SEM1: variants seen among roughly 807,000 people sequenced by gnomAD.
SEM1 encodes 26S proteasome complex subunit SEM1.
Under a neutral mutation model 12.7 loss-of-function variants are expected in SEM1, and 3 were observed. The ratio of observed to expected loss-of-function variants is 0.24; its 90% CI spans 0.11 to 0.61. The LOEUF is 0.61. Among genes scored for constraint, SEM1 ranks in the 20% least tolerant of loss-of-function variants. The pLI, the probability that SEM1 is intolerant of heterozygous loss-of-function variation, is 0.88. For synonymous variants in SEM1, 30 were observed against 27.8 expected, an observed-to-expected ratio of 1.08 and a Z score of -0.25; for missense variants, 59 against 81.3, an observed-to-expected ratio of 0.73 and a Z score of 1.06.
intron 2 of SEM1, among the ~76,000 whole-genome samples, chr7:96,538,227 A>G (rs1385931734): frequency 6.6e-6 from 1 of 151,804 alleles, no homozygotes. Flanking sequence ...AGAGTCTTTA[A>G]CATATTAAGC....
At chr7:96,541,619 A>C (rs529949453) in intron 2 of SEM1, among the ~76,000 whole-genome samples, 9 of 151,368 alleles carry the variant, frequency 5.9e-5, no homozygotes, top group African/African-American at 2.2e-4. Context: ...CCCACTTATC[A>C]ATTTTGTTTT....
intron 3 of SEM1, chr7:96,506,590 A>G (rs949927720): frequency 1.3e-5 from 2 of 152,076 alleles, no homozygotes; most frequent in African/African-American, 4.8e-5. Flanking sequence ...CAGGTTATGG[A>G]TCCCACTTAT....
chr7:96,531,423 A>AC (rs1398905811), intron 2 of SEM1, among the ~76,000 whole-genome samples: 5 of 146,318 alleles, frequency 3.4e-5, no homozygotes, highest in Non-Finnish European at 5.9e-5. Flanking sequence ...ATAAAAAAAA[A>AC]AACAACAAAA....
At position 96,526,151 on chromosome 7, in the gene SEM1, G is replaced by A. The variant is rs183732291; in HGVS notation, c.171-19453C>T. Among the ~76,000 whole-genome samples the A allele has an allele frequency of 2.0e-5, 3 of 152,170 alleles. No homozygotes were observed. In the East Asian group the frequency reaches 5.8e-4, roughly 29 times the overall value. ...ATTTTTAAACAATATTTCTTTACTAGCAATGTAGAAAATAATATCACTCAC... is the reference window on the plus strand; with the variant it reads ...ATTTTTAAACAATATTTCTTTACTAACAATGTAGAAAATAATATCACTCAC... On this transcript the variant is annotated intron_variant and NMD_transcript_variant, in intron 2 of 3. Coordinates refer to the SEM1 transcript ENST00000466986.
chr7:96,576,164 A>G (rs1806198018), intron 2 of SEM1, among the ~76,000 whole-genome samples: 1 of 152,166 alleles, frequency 6.6e-6, no homozygotes, highest in Non-Finnish European at 1.5e-5. Flanking sequence ...TTGTGTTTTC[A>G]TAGGCATGCT....
At chr7:96,599,918 C>A (rs909174065) in intron 2 of SEM1, among the ~76,000 whole-genome samples, 7 of 151,732 alleles carry the variant, frequency 4.6e-5, no homozygotes, top group Middle Eastern at 6.8e-3. Flanking sequence ...TCCTTAAGAA[C>A]ATGTTAGCTT....
intron 2 of SEM1, among the ~76,000 whole-genome samples, chr7:96,522,568 G>GA (rs765064779): frequency 0.058 from 7,424 of 127,164 alleles, 465 homozygotes; most frequent in African/African-American, 0.17. Flanking sequence ...TGCTTTGTGA[G>GA]AAAAAAAAAA....
chr7:96,497,006 T>TACACACAC (rs762508661), upstream of SEM1, among the ~76,000 whole-genome samples: 4 of 95,822 alleles, frequency 4.2e-5, no homozygotes, highest in African/African-American at 2.2e-4. Flanking sequence ...CACGAGCACG[T>TACACACAC]ATACACACAC....
intron 2 of SEM1, among the ~76,000 whole-genome samples, chr7:96,682,651 C>A (rs891983290): frequency 6.6e-6 from 1 of 152,078 alleles, no homozygotes; most frequent in South Asian, 2.1e-4. Flanking sequence ...GAAATGGCAA[C>A]AAAAGCCAGA....
At chr7:96,483,752 C>T in exon 4 of SEM1, 1 of 1,397,794 alleles carries the variant, frequency 7.2e-7, no homozygotes, top group Non-Finnish European at 9.8e-7. Context: ...ATAGTTCTAC[C>T]ATGTGCCTTG....
downstream of SEM1, among the ~76,000 whole-genome samples, chr7:96,671,535 A>G (rs552807252): frequency 6.6e-6 from 1 of 152,338 alleles, no homozygotes; most frequent in Non-Finnish European, 1.5e-5. Flanking sequence ...TACTTGAATG[A>G]GCCTAAAGAA....
intron 2 of SEM1, among the ~76,000 whole-genome samples, chr7:96,557,775 C>T (rs1017783009): frequency 2.0e-5 from 3 of 151,514 alleles, no homozygotes; most frequent in African/African-American, 7.3e-5. Flanking sequence ...CAATGGCGGG[C>T]GCCCTTCCCC....
intron 2 of SEM1, among the ~76,000 whole-genome samples, chr7:96,573,157 C>T (rs1195835408): frequency 5.3e-5 from 8 of 151,048 alleles, no homozygotes; most frequent in Non-Finnish European, 1.0e-4. Flanking sequence ...TTCCTCTGTC[C>T]CTTTATTTTG....
At chr7:96,595,661 AT>A (rs796914661) in intron 2 of SEM1, among the ~76,000 whole-genome samples, 2,337 of 149,642 alleles carry the variant, frequency 0.016, 53 homozygotes, top group African/African-American at 0.054. Context: ...CGATTTTTAG[AT>A]TTTTTTTTTA....
At chr7:96,708,460 A>T (rs891734461) in intron 1 of SEM1, among the ~76,000 whole-genome samples, 1 of 152,370 alleles carries the variant, frequency 6.6e-6, no homozygotes, top group East Asian at 1.9e-4. Context: ...AACTTGGGAC[A>T]ATTTTAGTGA....
chr7:96,656,787 C>G (rs1322972638), intron 2 of SEM1, among the ~76,000 whole-genome samples: 1 of 151,710 alleles, frequency 6.6e-6, no homozygotes, highest in Non-Finnish European at 1.5e-5. Context: ...TTAGCATATA[C>G]ACTCTCCAAC....
intron 2 of SEM1, among the ~76,000 whole-genome samples, chr7:96,550,278 A>C (rs1188521580): frequency 6.6e-6 from 1 of 152,206 alleles, no homozygotes; most frequent in Non-Finnish European, 1.5e-5. Flanking sequence ...GGCTAAACAA[A>C]GCTATTCCCC....
intron 2 of SEM1, among the ~76,000 whole-genome samples, chr7:96,658,771 C>T (rs1809269548): frequency 6.6e-6 from 1 of 152,214 alleles, no homozygotes; most frequent in Non-Finnish European, 1.5e-5. Context: ...TGTCCCACAG[C>T]CACCACAGGT....
At chr7:96,553,726 G>C (rs1805377469) in intron 2 of SEM1, among the ~76,000 whole-genome samples, 3 of 151,970 alleles carry the variant, frequency 2.0e-5, no homozygotes, top group African/African-American at 7.3e-5. Flanking sequence ...TTCCAATTCT[G>C]TGAAGAAAGT....
Sources: allele counts gnomAD v4.1 joint callset (sites outside exome capture counted in the v4.1 genomes callset), GRCh38; gene constraint gnomAD v4.1.1; transcripts MANE v1.5; gene names NCBI Gene and HGNC (gene_info 2026-07-23, HGNC 2026-07-21).